The following CRIM1 variants were observed in gnomAD, a reference collection of about 807,000 sequenced individuals.
CRIM1 encodes cysteine rich transmembrane BMP regulator 1.
Under a neutral mutation model 116.4 loss-of-function variants are expected in CRIM1, and 32 were observed. That is an observed-to-expected ratio of 0.27 (90% confidence interval 0.21 to 0.37). The LOEUF (loss-of-function observed/expected upper bound fraction) is 0.37, where lower values mean the gene tolerates loss of function less well. CRIM1 is among the 10% of genes least tolerant of loss of function. CRIM1 has a pLI of 1.00. For missense variants in CRIM1, 1,331 were observed against 1,354.8 expected (o/e 0.98, Z 0.28); for synonymous variants, 590 against 509.2 (o/e 1.16, Z -2.13).
chr2:36,417,938 T>A (rs373563418), intron 2 of CRIM1, among the ~76,000 whole-genome samples: 1 of 152,140 alleles, frequency 6.6e-6, no homozygotes, highest in East Asian at 1.9e-4. Flanking sequence ...TTTCAGTAAA[T>A]GGAGAAGAAA....
At chr2:36,384,426 C>T (rs913426584) in intron 1 of CRIM1, among the ~76,000 whole-genome samples, 1 of 152,100 alleles carries the variant, frequency 6.6e-6, no homozygotes, top group African/African-American at 2.4e-5. Flanking sequence ...TCTGGGACCC[C>T]CAAAGTGAGG....
At chr2:36,543,667 TAGG>T (rs747210736) in intron 14 of CRIM1, among the ~76,000 whole-genome samples, 2 of 149,984 alleles carry the variant, frequency 1.3e-5, no homozygotes, top group Non-Finnish European at 2.9e-5. Context: ...GAAATATTTG[TAGG>T]AGCTGAGAAA....
chr2:36,468,717 C>T (rs945375084), intron 5 of CRIM1, among the ~76,000 whole-genome samples: 8 of 152,204 alleles, frequency 5.3e-5, no homozygotes, highest in African/African-American at 2.4e-5. Context: ...ATGGCCTCTA[C>T]TGTTAGATGG....
intron 14 of CRIM1, among the ~76,000 whole-genome samples, chr2:36,541,290 C>T (rs896336892): frequency 6.6e-6 from 1 of 152,196 alleles, no homozygotes; most frequent in Non-Finnish European, 1.5e-5. Flanking sequence ...GTCCAGCAAA[C>T]AAGAACCTTG....
At chr2:36,469,696 G>A (rs899635252) in intron 5 of CRIM1, among the ~76,000 whole-genome samples, 1 of 152,048 alleles carries the variant, frequency 6.6e-6, no homozygotes, top group African/African-American at 2.4e-5. Flanking sequence ...TGTCTATATA[G>A]CAATTATGCT....
At chr2:36,473,049 A>G (rs1678656822) in intron 5 of CRIM1, among the ~76,000 whole-genome samples, 1 of 152,192 alleles carries the variant, frequency 6.6e-6, no homozygotes, top group Non-Finnish European at 1.5e-5. Flanking sequence ...CTTTAAGCAA[A>G]TCACGTCATC....
At chr2:36,430,515 G>A (rs1330312746) in intron 2 of CRIM1, among the ~76,000 whole-genome samples, 1 of 152,210 alleles carries the variant, frequency 6.6e-6, no homozygotes, top group African/African-American at 2.4e-5. Context: ...CCTTTGCTCA[G>A]CTGCAGCTCA....
At chr2:36,391,282 C>T (rs896374428) in intron 1 of CRIM1, among the ~76,000 whole-genome samples, 4 of 151,726 alleles carry the variant, frequency 2.6e-5, no homozygotes, top group African/African-American at 9.7e-5. Context: ...GCGCCCGCCA[C>T]CACGCCAGCT....
At chr2:36,364,964 T>G (rs1456842170) in intron 1 of CRIM1, among the ~76,000 whole-genome samples, 1 of 152,234 alleles carries the variant, frequency 6.6e-6, no homozygotes, top group Non-Finnish European at 1.5e-5. Flanking sequence ...GTTAGCTTTC[T>G]CTGTAAGTTT....
At chr2:36,428,478 G>A (rs1384048638) in intron 2 of CRIM1, among the ~76,000 whole-genome samples, 2 of 152,144 alleles carry the variant, frequency 1.3e-5, no homozygotes, top group Non-Finnish European at 2.9e-5. Flanking sequence ...TGAAAATTCT[G>A]AGCTATAGAA....
intron 2 of CRIM1, among the ~76,000 whole-genome samples, chr2:36,432,913 C>G (rs1365530732): frequency 6.6e-6 from 1 of 152,062 alleles, no homozygotes; most frequent in East Asian, 1.9e-4. Context: ...TAATGGGCAG[C>G]CGAGGTTGAC....
At chr2:36,467,493 T>C (rs1422881956) in intron 5 of CRIM1, among the ~76,000 whole-genome samples, 1 of 152,238 alleles carries the variant, frequency 6.6e-6, no homozygotes, top group Non-Finnish European at 1.5e-5. Flanking sequence ...CATTAGAAGA[T>C]ACTACATATC....
chr2:36,446,747 C>T (rs1337968758), intron 4 of CRIM1, among the ~76,000 whole-genome samples: 1 of 152,058 alleles, frequency 6.6e-6, no homozygotes, highest in Non-Finnish European at 1.5e-5. Flanking sequence ...TGCATTCTAC[C>T]TTTCAGGAGA....
chr2:36,498,580 T>C (rs1423438059), intron 7 of CRIM1, among the ~76,000 whole-genome samples: 1 of 152,188 alleles, frequency 6.6e-6, no homozygotes, highest in Non-Finnish European at 1.5e-5. Flanking sequence ...GTGCCCTTAT[T>C]CCCAGCATGG....
At chr2:36,359,682 T>C (rs1669094271) in intron 1 of CRIM1, among the ~76,000 whole-genome samples, 1 of 152,218 alleles carries the variant, frequency 6.6e-6, no homozygotes, top group Non-Finnish European at 1.5e-5. Flanking sequence ...CACTTGGATT[T>C]CTTTTCCGCA....
At chr2:36,360,904 C>G (rs370533870) in intron 1 of CRIM1, among the ~76,000 whole-genome samples, 18 of 152,178 alleles carry the variant, frequency 1.2e-4, no homozygotes, top group African/African-American at 4.3e-4. Flanking sequence ...CATTTTTCCT[C>G]TCAGAAGTCC....
At position 36,549,551 on chromosome 2, in the gene CRIM1, CTGTT is replaced by C. The variant is rs545597248; in HGVS notation, c.*855_*858del. On this transcript the variant is annotated 3_prime_UTR_variant, in exon 17 of 17. Coordinates refer to ENST00000280527, the MANE Select transcript of CRIM1 (RefSeq NM_016441.3). ...AGGCATTTCCAGGGGCTATATTTCA[CTGTT>C]TGTTGTTGCTTTGTTCTGTTATATT... 2.6e-5 allele frequency: 4 copies of C among 152,270 alleles called. No homozygotes were observed. Among genetic ancestry groups the C allele is most frequent in the Non-Finnish European group, 5.9e-5 (4 of 67,970 alleles). The allele number at this position is 152,270 out of a possible 1,614,324, so 9.4% of individuals were successfully genotyped here.
At chr2:36,410,102 G>T (rs1420357700) in intron 2 of CRIM1, among the ~76,000 whole-genome samples, 1 of 152,162 alleles carries the variant, frequency 6.6e-6, no homozygotes, top group Non-Finnish European at 1.5e-5. Flanking sequence ...AGCAGTAAGT[G>T]GTGCCTGTAA....
intron 1 of CRIM1, among the ~76,000 whole-genome samples, chr2:36,381,981 C>T (rs1330036316): frequency 2.6e-5 from 4 of 152,204 alleles, no homozygotes; most frequent in Non-Finnish European, 4.4e-5. Context: ...GTGGACCCAC[C>T]TGGACCACAC....
Sources: allele counts gnomAD v4.1 joint callset (sites outside exome capture counted in the v4.1 genomes callset), GRCh38; gene constraint gnomAD v4.1.1; transcripts MANE v1.5; gene names NCBI Gene and HGNC (gene_info 2026-07-23, HGNC 2026-07-21).